The following ERC2 variants were observed in gnomAD, a reference collection of about 807,000 sequenced individuals.
ERC2 encodes ERC protein 2.
A neutral mutation model predicts 114.8 loss-of-function variants in ERC2; 42 were observed. The observed-to-expected ratio is 0.37, with a 90% CI of 0.29 to 0.47. The LOEUF (loss-of-function observed/expected upper bound fraction) is 0.47, where lower values mean the gene tolerates loss of function less well. Among genes scored for constraint, ERC2 ranks in the 20% least tolerant of loss-of-function variants. The pLI, the probability that ERC2 is intolerant of heterozygous loss-of-function variation, is 0.99. For synonymous variants in ERC2, 454 were observed against 425.5 expected, an observed-to-expected ratio of 1.07 and a Z score of -0.82; for missense variants, 939 against 1,150.7, an observed-to-expected ratio of 0.82 and a Z score of 2.66.
intron 2 of ERC2, among the ~76,000 whole-genome samples, chr3:56,333,435 C>T (rs73832585): frequency 0.018 from 2,738 of 152,266 alleles, 88 homozygotes; most frequent in African/African-American, 0.059. Context: ...CAGGGAATAA[C>T]AATAATCGTA....
intron 3 of ERC2, among the ~76,000 whole-genome samples, chr3:56,245,077 G>A (rs145407664): frequency 8.0e-4 from 122 of 152,074 alleles, no homozygotes; most frequent in Middle Eastern, 3.4e-3. Flanking sequence ...TACCACATAG[G>A]TTTGTGTAAG....
intron 17 of ERC2, among the ~76,000 whole-genome samples, chr3:55,667,790 A>C (rs28419269): frequency 0.65 from 99,038 of 152,188 alleles, 32,304 homozygotes; most frequent in Admixed American, 0.69. Flanking sequence ...GAGTTTACGA[A>C]AGTTGCCTCC....
chr3:56,437,264 C>T (rs1363435125), intron 1 of ERC2, among the ~76,000 whole-genome samples: 1 of 152,218 alleles, frequency 6.6e-6, no homozygotes, highest in Non-Finnish European at 1.5e-5. Flanking sequence ...AACAGGCAAG[C>T]CGCCCCAAGA....
At chr3:55,772,011 C>T (rs1469623003) in intron 14 of ERC2, among the ~76,000 whole-genome samples, 3 of 152,226 alleles carry the variant, frequency 2.0e-5, no homozygotes, top group African/African-American at 4.8e-5. Flanking sequence ...CAAGGCCTCA[C>T]GTCTGTGGGC....
chr3:56,110,817 A>T (rs1458746982), intron 6 of ERC2, among the ~76,000 whole-genome samples: 1 of 152,218 alleles, frequency 6.6e-6, no homozygotes, highest in African/African-American at 2.4e-5. Context: ...CTAAATGGAT[A>T]ATCAAAGACT....
At chr3:55,904,773 G>C (rs921055863) in intron 13 of ERC2, among the ~76,000 whole-genome samples, 4 of 152,200 alleles carry the variant, frequency 2.6e-5, no homozygotes, top group Non-Finnish European at 4.4e-5. Flanking sequence ...GACCACCGAG[G>C]TGTGGACAGA....
chr3:56,382,587 T>C (rs1414397736), intron 2 of ERC2, among the ~76,000 whole-genome samples: 1 of 152,164 alleles, frequency 6.6e-6, no homozygotes. Flanking sequence ...CAAATGATCA[T>C]GCCCTCCCTT....
chr3:55,640,764 C>T (rs1362352993), intron 17 of ERC2, among the ~76,000 whole-genome samples: 2 of 152,198 alleles, frequency 1.3e-5, no homozygotes, highest in Admixed American at 6.5e-5. Context: ...TTCAACTCCA[C>T]AACAGTCCCT....
chr3:56,040,560 T>C (rs1343852606), intron 7 of ERC2, among the ~76,000 whole-genome samples: 1 of 3,142 alleles, frequency 3.2e-4, no homozygotes, highest in Non-Finnish European at 1.0e-3. Flanking sequence ...TATATGTATA[T>C]AGAGATGTAT....
intron 6 of ERC2, among the ~76,000 whole-genome samples, chr3:56,086,693 T>C (rs1378447132): frequency 6.6e-6 from 1 of 151,994 alleles, no homozygotes; most frequent in African/African-American, 2.4e-5. Flanking sequence ...CAAGAAAAAA[T>C]GCATTCTATT....
At chr3:56,294,833 A>G (rs190758809) in intron 3 of ERC2, among the ~76,000 whole-genome samples, 1 of 152,332 alleles carries the variant, frequency 6.6e-6, no homozygotes, top group East Asian at 1.9e-4. Context: ...ACCAGGCCCA[A>G]CCAAAACATC....
At chr3:55,764,629 AAGTCTGAATT>A (rs2067655748) in intron 14 of ERC2, among the ~76,000 whole-genome samples, 1 of 152,226 alleles carries the variant, frequency 6.6e-6, no homozygotes, top group East Asian at 1.9e-4. Context: ...TAGGATCTTA[AAGTCTGAATT>A]AACAACTTCT....
At chr3:55,810,028 C>A (rs566675663) in intron 14 of ERC2, among the ~76,000 whole-genome samples, 85 of 152,296 alleles carry the variant, frequency 5.6e-4, no homozygotes, top group Non-Finnish European at 1.1e-3. Flanking sequence ...GAGATAAGTC[C>A]TTTTCTTCAC....
intron 14 of ERC2, among the ~76,000 whole-genome samples, chr3:55,833,206 C>T (rs1168301848): frequency 1.3e-5 from 2 of 150,338 alleles, no homozygotes; most frequent in African/African-American, 5.0e-5. Flanking sequence ...TCCAGGAGAA[C>T]TTCCCTAATC....
At chr3:55,522,277 G>A (rs1253808422) in intron 17 of ERC2, among the ~76,000 whole-genome samples, 1 of 152,234 alleles carries the variant, frequency 6.6e-6, no homozygotes, top group Middle Eastern at 3.4e-3. Context: ...GTGAAGTCAG[G>A]CCTTTTAACG....
intron 2 of ERC2, among the ~76,000 whole-genome samples, chr3:56,422,646 C>T (rs139890550): frequency 4.8e-4 from 73 of 152,302 alleles, no homozygotes; most frequent in African/African-American, 1.3e-3. Context: ...TATCTTAGAG[C>T]TTCCATTTCA....
chr3:56,438,099 A>C (rs2062109476), intron 1 of ERC2, among the ~76,000 whole-genome samples: 1 of 152,210 alleles, frequency 6.6e-6, no homozygotes, highest in African/African-American at 2.4e-5. Context: ...GTTTCTTTGA[A>C]AAAACATAGA....
chr3:56,364,170 T>C, intron 2 of ERC2, among the ~76,000 whole-genome samples: 1 of 152,170 alleles, frequency 6.6e-6, no homozygotes, highest in Admixed American at 6.5e-5. Context: ...TCCACTTGTA[T>C]GAAATACCTG....
chr3:56,208,830 A>G (rs1042665714), intron 3 of ERC2, among the ~76,000 whole-genome samples: 1 of 152,180 alleles, frequency 6.6e-6, no homozygotes, highest in Non-Finnish European at 1.5e-5. Context: ...TCTATGAGAT[A>G]AAGCAAGAAA....
Sources: gnomAD v4.1 joint callset for allele counts (sites outside exome capture counted in the v4.1 genomes callset) on GRCh38, gnomAD v4.1.1 for gene constraint, MANE v1.5 for transcripts, NCBI Gene and HGNC (gene_info 2026-07-23, HGNC 2026-07-21) for gene names.